GPC6: variants seen among roughly 807,000 people sequenced by gnomAD.
GPC6 encodes the protein glypican 6, also known as glypican-6.
A neutral mutation model predicts 55.2 loss-of-function variants in GPC6; 14 were observed. The ratio of observed to expected loss-of-function variants is 0.25; its 90% CI spans 0.17 to 0.40. The LOEUF is 0.40. GPC6 is among the 10% of genes least tolerant of loss of function. The probability of loss-of-function intolerance (pLI) is 1.00; values close to 1 mark genes in which losing one functional copy is unlikely to be tolerated. For synonymous variants in GPC6, 278 were observed against 259.6 expected, an observed-to-expected ratio of 1.07 and a Z score of -0.68; for missense variants, 641 against 708.5, an observed-to-expected ratio of 0.90 and a Z score of 1.08.
chr13:94,251,501 G>A, intron 4 of GPC6, among the ~76,000 whole-genome samples: 1 of 150,966 alleles, frequency 6.6e-6, no homozygotes, highest in Admixed American at 6.6e-5. Context: ...TTTGCCAGCA[G>A]AATTGAGAAA....
chr13:94,133,499 C>G (rs1255070726), intron 4 of GPC6, among the ~76,000 whole-genome samples: 2 of 152,046 alleles, frequency 1.3e-5, no homozygotes, highest in Admixed American at 1.3e-4. Context: ...CTTGGCAGAA[C>G]TTAATAACTG....
At chr13:94,192,929 G>A (rs1889445520) in intron 4 of GPC6, among the ~76,000 whole-genome samples, 1 of 152,078 alleles carries the variant, frequency 6.6e-6, no homozygotes, top group African/African-American at 2.4e-5. Flanking sequence ...GACACATGAT[G>A]GTTTAATGTG....
chr13:93,451,483 T>C (rs1211584690), intron 1 of GPC6, among the ~76,000 whole-genome samples: 1 of 152,212 alleles, frequency 6.6e-6, no homozygotes, highest in Non-Finnish European at 1.5e-5. Flanking sequence ...TTAAAGAATA[T>C]TTCCTGACAA....
intron 1 of GPC6, among the ~76,000 whole-genome samples, chr13:93,290,186 C>A (rs1878271376): frequency 6.6e-6 from 1 of 151,922 alleles, no homozygotes; most frequent in African/African-American, 2.4e-5. Flanking sequence ...AGATGCTTGC[C>A]CCAATAAAGA....
intron 2 of GPC6, among the ~76,000 whole-genome samples, chr13:93,672,417 A>G (rs908237137): frequency 3.3e-5 from 5 of 152,038 alleles, no homozygotes; most frequent in African/African-American, 4.8e-5. Flanking sequence ...TGAAACTGCT[A>G]TTCAGTTAAG....
chr13:93,684,773 TA>T (rs544599521), intron 2 of GPC6, among the ~76,000 whole-genome samples: 2 of 151,830 alleles, frequency 1.3e-5, no homozygotes, highest in Admixed American at 6.6e-5. Context: ...CTCTAAATGT[TA>T]AAAAAAAGAA....
At chr13:93,914,656 C>T (rs1877196654) in intron 3 of GPC6, among the ~76,000 whole-genome samples, 1 of 152,170 alleles carries the variant, frequency 6.6e-6, no homozygotes, top group Non-Finnish European at 1.5e-5. Flanking sequence ...TAATTAGGAG[C>T]AGGCCTTTCC....
At chr13:93,534,906 G>A (rs1881998720) in intron 1 of GPC6, among the ~76,000 whole-genome samples, 1 of 152,120 alleles carries the variant, frequency 6.6e-6, no homozygotes. Flanking sequence ...GAACTCACTG[G>A]CATTCACTTC....
At chr13:93,437,619 A>G (rs186193875) in intron 1 of GPC6, among the ~76,000 whole-genome samples, 77 of 152,328 alleles carry the variant, frequency 5.1e-4, no homozygotes, top group Non-Finnish European at 1.0e-3. Context: ...AGACTAAAAA[A>G]TGTAAGGGAG....
chr13:93,944,863 GT>G (rs201191426), intron 3 of GPC6, among the ~76,000 whole-genome samples: 4,746 of 152,244 alleles, frequency 0.031, 80 homozygotes, highest in Middle Eastern at 0.058. Context: ...TCTCCTCAAA[GT>G]TATCATCGAT....
chr13:93,744,480 T>G (rs1884317646), intron 2 of GPC6, among the ~76,000 whole-genome samples: 1 of 150,094 alleles, frequency 6.7e-6, no homozygotes, highest in Admixed American at 6.7e-5. Flanking sequence ...CAACTCACGA[T>G]GTTCACATCT....
At chr13:93,779,148 T>C (rs1388080567) in intron 2 of GPC6, among the ~76,000 whole-genome samples, 6 of 152,224 alleles carry the variant, frequency 3.9e-5, no homozygotes, top group African/African-American at 1.2e-4. Flanking sequence ...TATATCACTT[T>C]CTATGCCTAT....
chr13:93,677,184 A>G lies in GPC6; in HGVS notation c.319+131763A>G, dbSNP rs116342718. On this transcript the variant is annotated intron_variant, in intron 2 of 8. Coordinates refer to ENST00000377047, the MANE Select transcript of GPC6 (RefSeq NM_005708.5). ...TAATTTAGAAGGGAGAAATGAGACA[A>G]AGGCTGAAGAGGGAATTTAATAATA... 6.1e-3 allele frequency among the ~76,000 whole-genome samples: 929 copies of G among 152,222 alleles called. 10 individuals carry two copies. Among genetic ancestry groups the G allele is most frequent in the African/African-American group, 0.021 (884 of 41,544 alleles).
chr13:94,343,083 T>C (rs537382236), intron 6 of GPC6, among the ~76,000 whole-genome samples: 2 of 152,310 alleles, frequency 1.3e-5, no homozygotes, highest in South Asian at 4.2e-4. Flanking sequence ...GTGATCCTTG[T>C]CATTTTTGCC....
chr13:94,046,845 A>G (rs1883751965), intron 4 of GPC6, among the ~76,000 whole-genome samples: 1 of 152,152 alleles, frequency 6.6e-6, no homozygotes, highest in Admixed American at 6.5e-5. Flanking sequence ...GTTAAAAGGT[A>G]CCTGCCTTTC....
intron 1 of GPC6, among the ~76,000 whole-genome samples, chr13:93,325,162 G>C (rs1369752349): frequency 6.6e-6 from 1 of 152,002 alleles, no homozygotes; most frequent in Non-Finnish European, 1.5e-5. Flanking sequence ...TAATTTATTT[G>C]GATTTGTATC....
chr13:93,520,644 C>T (rs573713015), intron 1 of GPC6, among the ~76,000 whole-genome samples: 1 of 151,664 alleles, frequency 6.6e-6, no homozygotes, highest in Admixed American at 6.6e-5. Context: ...TGTTTTAATT[C>T]TTTAATAGCA....
chr13:94,328,947 A>G (rs1366448360), intron 6 of GPC6, among the ~76,000 whole-genome samples: 2 of 152,132 alleles, frequency 1.3e-5, no homozygotes, highest in Admixed American at 6.5e-5. Context: ...CTTCTGTGTG[A>G]GTGTGAAATG....
intron 3 of GPC6, among the ~76,000 whole-genome samples, chr13:93,883,370 G>A (rs1875116859): frequency 6.6e-6 from 1 of 152,088 alleles, no homozygotes; most frequent in African/African-American, 2.4e-5. Context: ...TAGTTAATGG[G>A]CTGTAGTGTA....
Sources: gnomAD v4.1 joint callset for allele counts (sites outside exome capture counted in the v4.1 genomes callset) on GRCh38, gnomAD v4.1.1 for gene constraint, MANE v1.5 for transcripts, NCBI Gene and HGNC (gene_info 2026-07-23, HGNC 2026-07-21) for gene names.